Variants in SHMT1 observed in about 807,000 individuals in gnomAD.
SHMT1 encodes serine hydroxymethyltransferase 1, also known as serine hydroxymethyltransferase, cytosolic.
Under a neutral mutation model 49.0 loss-of-function variants are expected in SHMT1, and 45 were observed. The ratio of observed to expected loss-of-function variants is 0.92; its 90% CI spans 0.72 to 1.18. The LOEUF is 1.18. Among genes scored for constraint, SHMT1 ranks in the 50% most tolerant of loss-of-function variants. The pLI is 0.00. For synonymous variants in SHMT1, 232 were observed against 246.6 expected, an observed-to-expected ratio of 0.94 and a Z score of 0.55; for missense variants, 541 against 612.4, an observed-to-expected ratio of 0.88 and a Z score of 1.23.
intron 3 of SHMT1, 93 bp downstream of exon 3, chr17:18,353,576 ATTG>A (rs1488844075): frequency 3.9e-6 from 5 of 1,274,764 alleles, no homozygotes; most frequent in Non-Finnish European, 5.7e-6. Context: ...TGGGAAGCTT[ATTG>A]TTTTCTGAAA....
chr17:18,361,260 C>G (rs143205675), intron 1 of SHMT1, among the ~76,000 whole-genome samples: 3,035 of 149,628 alleles, frequency 0.02, 123 homozygotes, highest in African/African-American at 0.072. Context: ...GATCGTGCCA[C>G]CGCACTCCAG....
At chr17:18,330,460 C>T (rs72561770) in intron 10 of SHMT1, 95 bp downstream of exon 10, 4 of 948,130 alleles carry the variant, frequency 4.2e-6, no homozygotes, top group Admixed American at 3.4e-5. Flanking sequence ...TATGTGAGGT[C>T]TGTCCCCGGA....
In SHMT1 at chr17:18,328,720, G is replaced by A. The variant is rs778933325; in HGVS notation, c.*30C>T. 196 of 1,549,672 alleles carry A rather than the reference G, an allele frequency of 1.3e-4. No homozygotes were observed. Among genetic ancestry groups the A allele is most frequent in the East Asian group, 2.9e-4 (12 of 41,052 alleles). On this transcript the variant is annotated 3_prime_UTR_variant, in exon 12 of 12. Coordinates refer to ENST00000316694, the MANE Select transcript of SHMT1 (RefSeq NM_004169.5). ...TCCGGCAGGCAGCTTCCTCTGTGGC[G>A]CCAGGTGGGTCCAGAGTGGGCCCGC...
At chr17:18,358,307 C>T (rs536452325) in intron 1 of SHMT1, among the ~76,000 whole-genome samples, 5 of 150,902 alleles carry the variant, frequency 3.3e-5, no homozygotes, top group East Asian at 2.0e-4. Flanking sequence ...CTGGCCTACA[C>T]GGTGAAACCC....
At chr17:18,345,681 ATTTAT>A (rs1985015397) in intron 5 of SHMT1, among the ~76,000 whole-genome samples, 2 of 119,062 alleles carry the variant, frequency 1.7e-5, no homozygotes, top group East Asian at 2.8e-4. Context: ...TGCCTTTCTT[ATTTAT>A]TTATTTTTTT....
chr17:18,330,523 G>C (rs1249551921), intron 10 of SHMT1, 32 bp downstream of exon 10: 2 of 1,394,312 alleles, frequency 1.4e-6, no homozygotes, highest in Non-Finnish European at 2.0e-6. Context: ...AGATGGGAGA[G>C]GAGTGAAGGA....
intron 2 of SHMT1, among the ~76,000 whole-genome samples, chr17:18,355,397 G>T (rs190033219): frequency 6.9e-6 from 1 of 145,706 alleles, no homozygotes; most frequent in African/African-American, 2.6e-5. Context: ...AAAATTAGCC[G>T]GGCATGGTGG....
chr17:18,344,035 T>G (rs2151585212), intron 5 of SHMT1, among the ~76,000 whole-genome samples: 1 of 152,012 alleles, frequency 6.6e-6, no homozygotes, highest in South Asian at 2.1e-4. Flanking sequence ...AGAGGAGATG[T>G]GCAGAGAGGC....
At chr17:18,362,991 TAA>T (rs1355881726) in intron 1 of SHMT1, 2 of 152,226 alleles carry the variant, frequency 1.3e-5, no homozygotes, top group Non-Finnish European at 2.9e-5. Context: ...TCCTCACCTG[TAA>T]AATGGGGGAA....
intron 3 of SHMT1, among the ~76,000 whole-genome samples, chr17:18,351,387 C>T (rs1455833349): frequency 6.6e-6 from 1 of 151,664 alleles, no homozygotes; most frequent in Non-Finnish European, 1.5e-5. Flanking sequence ...ACCTCATGAT[C>T]CACCCAGCTC....
In SHMT1 at chr17:18,330,839, T is replaced by C. The variant is rs563966831; in HGVS notation, c.1055-168A>G. The stretch of plus-strand genomic sequence containing the variant: ...AATCCCCACGAGAGATGCCCGTGCC[T>C]AAGAATGTGAAAGGAAGGACAGAGC... On this transcript the variant is annotated intron_variant, in intron 9 of 11. Transcript: ENST00000316694. 1.5e-5 allele frequency: 10 copies of C among 675,824 alleles called. No individual in the cohort carries two copies. In the Admixed American group the frequency reaches 2.0e-4, roughly 14 times the overall value. 41.9% of individuals were successfully genotyped at this position (675,824 alleles called of 1,614,324 possible).
chr17:18,331,195 C>T (rs1372571555), intron 9 of SHMT1: 2 of 250,060 alleles, frequency 8.0e-6, no homozygotes, highest in Non-Finnish European at 7.9e-6. Context: ...GGACCTGGCC[C>T]GAGGTCATAC....
chr17:18,346,719 C>A (rs1985116418), intron 5 of SHMT1, among the ~76,000 whole-genome samples: 1 of 152,188 alleles, frequency 6.6e-6, no homozygotes, highest in African/African-American at 2.4e-5. Context: ...ACATCACAAC[C>A]TAGTCTGGCC....
At position 18,328,672 on chromosome 17, in the gene SHMT1, A is replaced by G; in HGVS notation, c.*78T>C. The G allele has an allele frequency of 1.3e-6, 2 of 1,482,134 alleles. No individual in the cohort carries two copies. Among genetic ancestry groups the G allele is most frequent in the Non-Finnish European group, 1.8e-6 (2 of 1,091,516 alleles). 91.8% of individuals were successfully genotyped at this position (1,482,134 alleles called of 1,614,324 possible). A position where few individuals can be genotyped will look rare whatever the true frequency, so the allele number is the denominator to read the frequency against. On this transcript the variant is annotated 3_prime_UTR_variant, in exon 12 of 12. Coordinates refer to ENST00000316694, the MANE Select transcript of SHMT1 (RefSeq NM_004169.5). ...CAACAGTTCCCCTTTGGAGCAGCTCATCCATCTCTCAGGTGGGGGTCCTCC... is the reference window on the plus strand; with the variant it reads ...CAACAGTTCCCCTTTGGAGCAGCTCGTCCATCTCTCAGGTGGGGGTCCTCC...
chr17:18,336,774 A>C (rs1303471645), intron 7 of SHMT1, among the ~76,000 whole-genome samples: 2 of 151,764 alleles, frequency 1.3e-5, no homozygotes, highest in African/African-American at 4.8e-5. Context: ...GAGAGAACCC[A>C]TGTCCACAGA....
chr17:18,331,416 G>C (rs1030300697), intron 9 of SHMT1: 1 of 156,550 alleles, frequency 6.4e-6, no homozygotes, highest in African/African-American at 2.4e-5. Flanking sequence ...TGAAACCTCA[G>C]ATGCCCATTT....
intron 8 of SHMT1, among the ~76,000 whole-genome samples, chr17:18,334,254 T>C (rs1329308414): frequency 6.6e-6 from 1 of 152,118 alleles, no homozygotes; most frequent in African/African-American, 2.4e-5. Context: ...GCCTGGCTAA[T>C]TTTTTATGTT....
At chr17:18,350,056 C>T (rs1035628643) in intron 3 of SHMT1, among the ~76,000 whole-genome samples, 1 of 150,818 alleles carries the variant, frequency 6.6e-6, no homozygotes, top group South Asian at 2.1e-4. Flanking sequence ...AGGCCGGGCA[C>T]GGTGGCTCAC....
At chr17:18,336,667 C>T (rs957064956) in intron 7 of SHMT1, among the ~76,000 whole-genome samples, 6 of 147,224 alleles carry the variant, frequency 4.1e-5, no homozygotes, top group Non-Finnish European at 1.5e-5. Flanking sequence ...ACTCCATCTC[C>T]GGGGAAAAAA....
Sources: gnomAD v4.1 joint callset for allele counts (sites outside exome capture counted in the v4.1 genomes callset) on GRCh38, gnomAD v4.1.1 for gene constraint, MANE v1.5 for transcripts, NCBI Gene and HGNC (gene_info 2026-07-23, HGNC 2026-07-21) for gene names.